The following FBXO11 variants were observed in gnomAD, a reference collection of about 807,000 sequenced individuals.
The protein encoded by FBXO11 is F-box protein 11.
Under a neutral mutation model 117.0 loss-of-function variants are expected in FBXO11, and 13 were observed. The observed-to-expected ratio is 0.11, with a 90% CI of 0.07 to 0.18. The LOEUF is 0.18. FBXO11 is among the 10% of genes least tolerant of loss of function. The probability of loss-of-function intolerance (pLI) is 1.00; values close to 1 mark genes in which losing one functional copy is unlikely to be tolerated. For missense variants in FBXO11, 767 were observed against 1,164.4 expected, an observed-to-expected ratio of 0.66 and a Z score of 4.97; for synonymous variants, 490 against 380.5, an observed-to-expected ratio of 1.29 and a Z score of -3.35.
At chr2:47,877,192 T>C (rs144042167) in intron 1 of FBXO11, among the ~76,000 whole-genome samples, 202 of 152,228 alleles carry the variant, frequency 1.3e-3, no homozygotes, top group African/African-American at 4.8e-3. Flanking sequence ...CACACCCAGC[T>C]AATTTTTCTA....
Position 47,906,006 on chromosome 2 carries a change from A to G in FBXO11, c.-286T>C. 1 of 314,114 alleles carries G rather than the reference A, an allele frequency of 3.2e-6. No homozygotes were observed. The highest frequency in any genetic ancestry group is 6.0e-6 in the Non-Finnish European group (1 of 167,190). The allele number at this position is 314,114 out of a possible 1,614,324, so 19.5% of individuals were successfully genotyped here. On this transcript the variant is annotated 5_prime_UTR_variant, in exon 1 of 23. Coordinates refer to ENST00000403359, the MANE Select transcript of FBXO11 (RefSeq NM_001190274.2). ...GGCCGCGAGGGACGAAGGCAGAAAG[A>G]CGGGCAGACCGAGAGAAAGAAAGAA...
In FBXO11 at chr2:47,823,184, A is replaced by G. The variant is rs1418186739; in HGVS notation, c.1575T>C (p.Phe525=). The stretch of plus-strand genomic sequence containing the variant: ...TATTTGAGGTAATCCATACACCTGC[A>G]AAGTTGTTTGCATAGATTTTATTCT... ...FIENKIYANN[F]AGVWITSNSD... Residue 525 remains phenylalanine (F), a synonymous_variant, in exon 12 of 23, where the codon TTT becomes TTC. Transcript: ENST00000403359. The G allele has an allele frequency of 1.2e-6, 2 of 1,614,010 alleles. No individual in the cohort carries two copies. The highest frequency in any genetic ancestry group is 2.2e-5 in the South Asian group (2 of 91,068).
At chr2:47,876,028 C>T (rs1457411982) in intron 1 of FBXO11, among the ~76,000 whole-genome samples, 2 of 152,120 alleles carry the variant, frequency 1.3e-5, no homozygotes, top group Non-Finnish European at 2.9e-5. Flanking sequence ...TTGTCATCCC[C>T]AATTATACAT....
At chr2:47,882,253 T>C (rs1676484857) in intron 1 of FBXO11, among the ~76,000 whole-genome samples, 1 of 152,224 alleles carries the variant, frequency 6.6e-6, no homozygotes, top group African/African-American at 2.4e-5. Context: ...ATCTTATAAA[T>C]GTTGTTCGAC....
chr2:47,846,239 G>A (rs993003396), intron 1 of FBXO11, among the ~76,000 whole-genome samples: 3 of 152,080 alleles, frequency 2.0e-5, no homozygotes, highest in East Asian at 1.9e-4. Context: ...AGGCCCAGGC[G>A]GGCAGATCAT....
chr2:47,810,921 T>C (rs1318987569), intron 18 of FBXO11: 1 of 152,432 alleles, frequency 6.6e-6, no homozygotes. Flanking sequence ...ATCATGCCTC[T>C]TTCTCTAACA....
intron 1 of FBXO11, among the ~76,000 whole-genome samples, chr2:47,856,972 T>C (rs1046221190): frequency 1.3e-5 from 2 of 152,218 alleles, no homozygotes; most frequent in Non-Finnish European, 2.9e-5. Flanking sequence ...ATGTTGTATG[T>C]AGACCATCAC....
At chr2:47,895,917 G>A (rs1432319317) in intron 1 of FBXO11, among the ~76,000 whole-genome samples, 3 of 151,966 alleles carry the variant, frequency 2.0e-5, no homozygotes, top group Non-Finnish European at 4.4e-5. Context: ...GGCTGGTCTC[G>A]AACTCCTGAC....
chr2:47,818,912 A>G, intron 15 of FBXO11, 44 bp downstream of exon 15: 1 of 1,585,558 alleles, frequency 6.3e-7, no homozygotes, highest in Non-Finnish European at 8.5e-7. Context: ...ACAAGTATTT[A>G]CAAAACAATG....
intron 1 of FBXO11, among the ~76,000 whole-genome samples, chr2:47,872,338 G>A (rs1675684238): frequency 6.6e-6 from 1 of 152,142 alleles, no homozygotes; most frequent in African/African-American, 2.4e-5. Flanking sequence ...TATAATTTGT[G>A]TGCGTGAGAC....
At chr2:47,889,498 T>C (rs918419724) in intron 1 of FBXO11, among the ~76,000 whole-genome samples, 3 of 152,206 alleles carry the variant, frequency 2.0e-5, no homozygotes, top group Non-Finnish European at 4.4e-5. Flanking sequence ...CGACAACTTA[T>C]CAAGTGAGTG....
At chr2:47,899,080 C>G (rs1283276611) in intron 1 of FBXO11, among the ~76,000 whole-genome samples, 1 of 152,018 alleles carries the variant, frequency 6.6e-6, no homozygotes, top group Non-Finnish European at 1.5e-5. Context: ...CGAGACCATC[C>G]TGGCTAACAT....
chr2:47,904,672 G>A (rs1012337862), intron 1 of FBXO11, among the ~76,000 whole-genome samples: 1 of 151,896 alleles, frequency 6.6e-6, no homozygotes, highest in African/African-American at 2.4e-5. Flanking sequence ...AACCCCACTA[G>A]GAGACGGAGA....
chr2:47,898,915 G>A (rs553588444), intron 1 of FBXO11, among the ~76,000 whole-genome samples: 157 of 151,900 alleles, frequency 1.0e-3, no homozygotes, highest in African/African-American at 3.6e-3. Flanking sequence ...CATCTTCATT[G>A]TTGTATAGCT....
At chr2:47,905,132 A>C in intron 1 of FBXO11, 1 of 169,486 alleles carries the variant, frequency 5.9e-6, no homozygotes. Context: ...AGGCGGCAGA[A>C]AAGGGAGAAA....
At chr2:47,872,850 T>C (rs1675725998) in intron 1 of FBXO11, among the ~76,000 whole-genome samples, 2 of 152,184 alleles carry the variant, frequency 1.3e-5, no homozygotes, top group African/African-American at 4.8e-5. Flanking sequence ...AATAGTTATT[T>C]TCCACAAAAA....
intron 1 of FBXO11, among the ~76,000 whole-genome samples, chr2:47,894,010 T>C (rs1343790701): frequency 6.6e-6 from 1 of 152,220 alleles, no homozygotes; most frequent in Admixed American, 6.5e-5. Context: ...AAATGTGAAA[T>C]GTTCCTCCTT....
chr2:47,880,271 G>A (rs888181945), intron 1 of FBXO11, among the ~76,000 whole-genome samples: 2 of 152,088 alleles, frequency 1.3e-5, no homozygotes, highest in African/African-American at 2.4e-5. Flanking sequence ...TGCCCTGAGA[G>A]TGTTTTAATG....
At chr2:47,844,306 T>C (rs1362425244) in intron 1 of FBXO11, among the ~76,000 whole-genome samples, 2 of 152,216 alleles carry the variant, frequency 1.3e-5, no homozygotes. Context: ...TTGACTTTGT[T>C]CTTGAGTGAG....
Sources: allele counts gnomAD v4.1 joint callset (sites outside exome capture counted in the v4.1 genomes callset), GRCh38; gene constraint gnomAD v4.1.1; transcripts MANE v1.5; gene names NCBI Gene and HGNC (gene_info 2026-07-23, HGNC 2026-07-21).